RPA2: variants seen among roughly 807,000 people sequenced by gnomAD.
RPA2 encodes the protein replication protein A 32 kDa subunit.
RPA2 carries 22 observed loss-of-function variants against 33.4 expected under a neutral mutation model. The observed-to-expected ratio is 0.66, with a 90% CI of 0.47 to 0.94. The LOEUF (loss-of-function observed/expected upper bound fraction) is 0.94, where lower values mean the gene tolerates loss of function less well. RPA2 is among the 40% of genes least tolerant of loss of function. The pLI is 0.00. For synonymous variants in RPA2, 109 were observed against 114.9 expected, an observed-to-expected ratio of 0.95 and a Z score of 0.33; for missense variants, 279 against 329.9, an observed-to-expected ratio of 0.85 and a Z score of 1.19.
intron 4 of RPA2, among the ~76,000 whole-genome samples, chr1:27,899,532 C>A (rs28904881): frequency 4.5e-4 from 60 of 134,146 alleles, no homozygotes; most frequent in African/African-American, 8.5e-4. Flanking sequence ...AAAAAAAAAA[C>A]CACACAAACA....
Position 27,914,096 on chromosome 1 carries a change from T to C in RPA2, c.84A>G (p.Gly28=), listed in dbSNP as rs2148664113. ...TTTCGGCTTGAGAAGGTGCGGGCGA[T>C]CCAAAGCCCCCCGGGGACTGCGTGT... ...GGYTQSPGGF[G]SPAPSQAEKK... The change falls in exon 2 of 9, where the codon GGA becomes GGG. Residue 28 remains glycine, a synonymous_variant. Coordinates refer to ENST00000373912, the MANE Select transcript of RPA2 (RefSeq NM_002946.5). 1.2e-6 allele frequency: 2 copies of C among 1,602,250 alleles called. No individual in the cohort carries two copies. The highest frequency in any genetic ancestry group is 1.7e-6 in the Non-Finnish European group (2 of 1,175,866).
rs754371460 is a variant in RPA2, at chr1:27,897,056, A to G, written c.474T>C (p.His158=). ...PLEDMNEFTT[H]ILEVINAHMV... ...TGTGTGCATTGATCACTTCCAGAAT[A>G]TGTGTGGTGAACTCATTCATATCCT... Residue 158 remains histidine, a synonymous_variant, in exon 6 of 9, where the codon CAT becomes CAC. Coordinates refer to ENST00000373912, the MANE Select transcript of RPA2 (RefSeq NM_002946.5). 1 of 1,613,960 alleles carries G rather than the reference A, an allele frequency of 6.2e-7. No homozygotes were observed. The highest frequency in any genetic ancestry group is 2.2e-5 in the East Asian group (1 of 44,880).
At position 27,914,499 on chromosome 1, in the gene RPA2, G is replaced by T. The variant is rs55811008; in HGVS notation, c.-56C>A. The T allele has an allele frequency of 1.1e-5, 17 of 1,594,050 alleles. No individual in the cohort carries two copies. The East Asian group carries it at 3.8e-4, about 36-fold the overall frequency. On this transcript the variant is annotated 5_prime_UTR_variant, in exon 1 of 9. Transcript: ENST00000373912. Reference sequence around the variant, plus strand: ...GAAGGTGCGGGTCTGGGGGAATAGCGGAAAACCACAGAACGCGGCCGCCAC... The same window carrying T: ...GAAGGTGCGGGTCTGGGGGAATAGCTGAAAACCACAGAACGCGGCCGCCAC...
intron 4 of RPA2, among the ~76,000 whole-genome samples, chr1:27,901,386 C>G (rs2089965368): frequency 1.3e-5 from 2 of 151,530 alleles, no homozygotes; most frequent in Non-Finnish European, 2.9e-5. Flanking sequence ...TTTTGAGAGA[C>G]AGTTTCGCTC....
chr1:27,896,748 T>A (rs533113410), intron 6 of RPA2, among the ~76,000 whole-genome samples: 1 of 152,304 alleles, frequency 6.6e-6, no homozygotes, highest in African/African-American at 2.4e-5. Flanking sequence ...TAATTACATG[T>A]CTACACCTGA....
At chr1:27,912,790 C>G (rs1213448764) in intron 2 of RPA2, among the ~76,000 whole-genome samples, 1 of 152,106 alleles carries the variant, frequency 6.6e-6, no homozygotes, top group Non-Finnish European at 1.5e-5. Flanking sequence ...AGCCTGTATT[C>G]TTTGTATATA....
At chr1:27,906,805 A>T in intron 4 of RPA2, 123 bp downstream of exon 4, 2 of 640,190 alleles carry the variant, frequency 3.1e-6, no homozygotes, top group Non-Finnish European at 5.4e-6. Flanking sequence ...TTTACTTTAG[A>T]GTATCTGTCT....
chr1:27,897,832 G>C (rs940766353), intron 4 of RPA2, 125 bp from the exon 5 acceptor site: 3 of 535,064 alleles, frequency 5.6e-6, no homozygotes, highest in Non-Finnish European at 9.1e-6. Context: ...TCCTAAAATG[G>C]CATTAAGTAG....
Position 27,913,609 on chromosome 1 carries a change from T to TA in RPA2, c.117+453dup, listed in dbSNP as rs1341194645. ...TCTCAAAAAAAAAAAAAAAAGAATG[T>TA]AAAAGAGACTATTAATATAAGTTCA... On this transcript the variant is annotated intron_variant, in intron 2 of 8. Coordinates refer to ENST00000373912, the MANE Select transcript of RPA2 (RefSeq NM_002946.5). Among the ~76,000 whole-genome samples the TA allele has an allele frequency of 2.1e-5, 3 of 144,938 alleles. No individual in the cohort carries two copies. In the South Asian group the frequency reaches 6.5e-4, roughly 31 times the overall value.
Position 27,897,033 on chromosome 1 carries a change from T to G in RPA2, c.497A>C (p.His166Pro). 6.2e-7 allele frequency: 1 copy of G among 1,613,436 alleles called. No homozygotes were observed. Among genetic ancestry groups the G allele is most frequent in the East Asian group, 2.2e-5 (1 of 44,872 alleles). Reference sequence around the variant, plus strand: ...GCTGTTGGCTTTGCTTAGTACCATGTGTGCATTGATCACTTCCAGAATATG... The same window carrying G: ...GCTGTTGGCTTTGCTTAGTACCATGGGTGCATTGATCACTTCCAGAATATG... The part of the protein sequence containing the change: ...TTHILEVINA[H>P]MVLSKANSQP... Residue 166 changes from histidine (H) to proline (P), a missense_variant, in exon 6 of 9, where the codon CAC becomes CCC. His to Pro is a moderately conservative substitution (Grantham distance 77). Coordinates refer to ENST00000373912, the MANE Select transcript of RPA2 (RefSeq NM_002946.5).
chr1:27,891,734 G>C lies in RPA2; in HGVS notation c.*429C>G, dbSNP rs542696805. On this transcript the variant is annotated 3_prime_UTR_variant, in exon 9 of 9. Transcript: ENST00000373912. ...CTGAAAGTAATGCCACACAACCAAA[G>C]TGGGAAATGAAAACAGGCAGAGGCC... 6.4e-6 allele frequency: 1 copy of C among 157,232 alleles called. No individual in the cohort carries two copies. The highest frequency in any genetic ancestry group is 1.4e-5 in the Non-Finnish European group (1 of 71,498). 9.7% of individuals were successfully genotyped at this position (157,232 alleles called of 1,614,324 possible). A position where few individuals can be genotyped will look rare whatever the true frequency, so the allele number is the denominator to read the frequency against.
At chr1:27,900,603 A>G (rs2089955922) in intron 4 of RPA2, among the ~76,000 whole-genome samples, 1 of 152,032 alleles carries the variant, frequency 6.6e-6, no homozygotes. Context: ...TGGAATTAGA[A>G]ATGGAGCTTA....
In RPA2 at chr1:27,906,640, G is replaced by A. The variant is rs144564082; in HGVS notation, c.333+288C>T. On this transcript the variant is annotated intron_variant, in intron 4 of 8. Transcript: ENST00000373912. ...GGATGCGGACGTTGTAGTGAGCCGAGATTCCACCACTGCACTGCCTGGGCG... is the reference window on the plus strand; with the variant it reads ...GGATGCGGACGTTGTAGTGAGCCGAAATTCCACCACTGCACTGCCTGGGCG... Among the ~76,000 whole-genome samples the A allele has an allele frequency of 1.6e-3, 238 of 152,286 alleles. 1 individual carries two copies. Among genetic ancestry groups the A allele is most frequent in the Non-Finnish European group, 2.9e-3 (196 of 68,020 alleles).
chr1:27,892,423 A>C (rs1012799418), intron 8 of RPA2, among the ~76,000 whole-genome samples, 176 bp from the exon 9 acceptor site: 1 of 152,236 alleles, frequency 6.6e-6, no homozygotes, highest in African/African-American at 2.4e-5. Context: ...CCAGTAAAAT[A>C]GCAAAACAGA....
In RPA2 at chr1:27,894,389, T is replaced by A. The variant is rs774033837; in HGVS notation, c.534A>T (p.Ala178=). 6.2e-6 allele frequency: 10 copies of A among 1,612,670 alleles called. No individual in the cohort carries two copies. The highest frequency in any genetic ancestry group is 7.6e-6 in the Non-Finnish European group (9 of 1,179,458). Residue 178 remains alanine (A), a synonymous_variant, in exon 7 of 9, where the codon GCA becomes GCT. Coordinates refer to ENST00000373912, the MANE Select transcript of RPA2 (RefSeq NM_002946.5). ...VLSKANSQPS[A]GRAPISNPGM... is the part of the protein sequence containing the mutation. ...CTGGATTGCTGATAGGTGCTCTCCC[T>A]GCTGAGGGCTGAATTAAGAAATAAG...
At chr1:27,901,363 T>C (rs1425089183) in intron 4 of RPA2, among the ~76,000 whole-genome samples, 1 of 152,094 alleles carries the variant, frequency 6.6e-6, no homozygotes, top group Admixed American at 6.6e-5. Flanking sequence ...TAAAGTTTTT[T>C]TTTTTCTTCT....
chr1:27,910,182 C>T (rs891178961), intron 2 of RPA2, among the ~76,000 whole-genome samples: 1 of 152,148 alleles, frequency 6.6e-6, no homozygotes, highest in African/African-American at 2.4e-5. Flanking sequence ...TAGACCCATG[C>T]TCAAATCCCA....
intron 2 of RPA2, among the ~76,000 whole-genome samples, chr1:27,910,125 G>A (rs1234905767): frequency 1.3e-5 from 2 of 152,164 alleles, no homozygotes; most frequent in African/African-American, 4.8e-5. Context: ...TTAAGAACCA[G>A]TAAGGTAAAG....
rs1202440180 is a variant in RPA2 at position 27,905,877 on chromosome 1, T to TTGG, written c.333+1050_333+1051insCCA. ...CTCCTGACCTCGTGATCCGCCCACCTCGGCCTCCCAAAGTGCTGGGATTAC... is the reference window on the plus strand; with the variant it reads ...CTCCTGACCTCGTGATCCGCCCACCTTGGCGGCCTCCCAAAGTGCTGGGATTAC... On this transcript the variant is annotated intron_variant, in intron 4 of 8. Coordinates refer to ENST00000373912, the MANE Select transcript of RPA2 (RefSeq NM_002946.5). Among the ~76,000 whole-genome samples the TTGG allele has an allele frequency of 1.7e-3, 264 of 152,170 alleles. 6 individuals carry two copies. The highest frequency in any genetic ancestry group is 6.1e-3 in the African/African-American group (255 of 41,482).
Sources: allele counts gnomAD v4.1 joint callset (sites outside exome capture counted in the v4.1 genomes callset), GRCh38; gene constraint gnomAD v4.1.1; transcripts MANE v1.5; gene names NCBI Gene and HGNC (gene_info 2026-07-23, HGNC 2026-07-21).